Variants in TAF4B observed in about 807,000 individuals in gnomAD.
The protein encoded by TAF4B is TATA-box binding protein associated factor 4b, also known as transcription initiation factor TFIID subunit 4B.
Under a neutral mutation model 86.4 loss-of-function variants are expected in TAF4B, and 38 were observed. The observed-to-expected ratio is 0.44, with a 90% CI of 0.34 to 0.58. The LOEUF (loss-of-function observed/expected upper bound fraction) is 0.58. Ranked by LOEUF, TAF4B falls within the 20% of genes least tolerant of loss-of-function variation. The pLI is 0.02. For synonymous variants in TAF4B, 388 were observed against 391.2 expected, an observed-to-expected ratio of 0.99 and a Z score of 0.10; for missense variants, 988 against 1,027.6, an observed-to-expected ratio of 0.96 and a Z score of 0.53.
chr18:26,232,888 G>C (rs1352192884), intron 1 of TAF4B, among the ~76,000 whole-genome samples: 1 of 152,178 alleles, frequency 6.6e-6, no homozygotes, highest in Non-Finnish European at 1.5e-5. Flanking sequence ...TGGCTATTCT[G>C]GTTCCTGTAG....
In TAF4B at chr18:26,286,066, C is replaced by T. The variant is rs200557665; in HGVS notation, c.1157C>T (p.Thr386Ile). Residue 386 changes from threonine to isoleucine, a missense_variant, in exon 7 of 15, where the codon ACA becomes ATA. Coordinates refer to ENST00000269142, the MANE Select transcript of TAF4B (RefSeq NM_005640.3). ...SEKSIIVSGA[T>I]APRTVSVQTL... ...AAGTCAATTATTGTTTCTGGAGCAA[C>T]AGCACCCAGAACTGTGTCAGTGCAA... is the stretch of plus-strand genomic sequence containing the variant. 5 of 1,614,198 alleles carry T rather than the reference C, an allele frequency of 3.1e-6. No individual in the cohort carries two copies. The highest frequency in any genetic ancestry group is 3.3e-4 in the Middle Eastern group (2 of 6,062).
intron 14 of TAF4B, among the ~76,000 whole-genome samples, chr18:26,366,810 C>T (rs1023946034): frequency 4.6e-5 from 7 of 152,110 alleles, no homozygotes; most frequent in African/African-American, 7.2e-5. Context: ...TCAGATAGTT[C>T]AACCTAATAC....
intron 9 of TAF4B, 74 bp from the exon 10 acceptor site, chr18:26,315,155 T>TCACA (rs1484111730): frequency 2.4e-5 from 11 of 465,790 alleles, no homozygotes; most frequent in African/African-American, 1.2e-4. Context: ...TGTCTCTCTC[T>TCACA]CTCTCTCACA....
intron 9 of TAF4B, chr18:26,304,757 C>CT (rs201106108): frequency 1.6e-4 from 160 of 984,268 alleles, no homozygotes; most frequent in Admixed American, 2.5e-4. Context: ...TTACTGACAC[C>CT]TTTTTTTTAA....
At chr18:26,231,344 G>GTTTT (rs1260610897) in intron 1 of TAF4B, among the ~76,000 whole-genome samples, 1,485 of 60,832 alleles carry the variant, frequency 0.024, 188 homozygotes, top group Non-Finnish European at 0.032. Context: ...AGCTGCTTGG[G>GTTTT]GTTTTTTTTT....
chr18:26,289,770 G>C (rs1295109715), intron 7 of TAF4B, among the ~76,000 whole-genome samples: 1 of 152,200 alleles, frequency 6.6e-6, no homozygotes, highest in Non-Finnish European at 1.5e-5. Context: ...TTCTTTGAAA[G>C]AACATTAATG....
At chr18:26,285,222 G>GTTTTTGTTTTTGTTTTTTTTTTTT in intron 6 of TAF4B, among the ~76,000 whole-genome samples, 1,285 of 45,612 alleles carry the variant, frequency 0.028, 147 homozygotes, top group Non-Finnish European at 0.034. Flanking sequence ...TTTTTTTTTT[G>GTTTTTGTTTTTGTTTTTTTTTTTT]TTTTTTTTTT....
At chr18:26,243,377 G>A (rs1306561271) in intron 1 of TAF4B, among the ~76,000 whole-genome samples, 12 of 151,796 alleles carry the variant, frequency 7.9e-5, no homozygotes, top group Admixed American at 4.6e-4. Context: ...TGATCGAATC[G>A]GCTACTGAAG....
At position 26,244,936 on chromosome 18, in the gene TAF4B, C is replaced by T. The variant is rs9964313; in HGVS notation, c.343+17660C>T. Among the ~76,000 whole-genome samples, 730 of 152,284 alleles carry T rather than the reference C, an allele frequency of 4.8e-3. 5 individuals carry two copies. Among genetic ancestry groups the T allele is most frequent in the African/African-American group, 0.017 (695 of 41,574 alleles). The stretch of plus-strand genomic sequence containing the variant: ...TTCCGCTCACTGCTGCAGGGTCAAC[C>T]AACTTTTTGTCGGGACCCCAGAGCT... On this transcript the variant is annotated intron_variant, in intron 1 of 14. Coordinates refer to ENST00000269142, the MANE Select transcript of TAF4B (RefSeq NM_005640.3).
chr18:26,363,542 CTAAGAAAAAAATA>C (rs1160348827), intron 14 of TAF4B, among the ~76,000 whole-genome samples: 14 of 151,936 alleles, frequency 9.2e-5, no homozygotes, highest in Admixed American at 5.9e-4. Context: ...AAGACCCTGC[CTAAGAAAAAAATA>C]AAAGAAAAAA....
Position 26,227,116 on chromosome 18 carries a change from C to T in TAF4B, c.183C>T (p.Pro61=). 2 of 1,613,384 alleles carry T rather than the reference C, an allele frequency of 1.2e-6. No homozygotes were observed. Among genetic ancestry groups the T allele is most frequent in the Non-Finnish European group, 1.7e-6 (2 of 1,179,732 alleles). Reference sequence around the variant, plus strand: ...GCGTGGAGCCCACGGCGTCCCAGCCCCTGCGGTCCCCCGTGGGGACCCTGG... The same window carrying T: ...GCGTGGAGCCCACGGCGTCCCAGCCTCTGCGGTCCCCCGTGGGGACCCTGG... ...SVCVEPTASQ[P]LRSPVGTLVT... is the part of the protein sequence containing the mutation. Residue 61 remains proline, a synonymous_variant, in exon 1 of 15, where the codon CCC becomes CCT. Transcript: ENST00000269142.
At chr18:26,358,637 A>G (rs956716915) in intron 14 of TAF4B, among the ~76,000 whole-genome samples, 10 of 152,140 alleles carry the variant, frequency 6.6e-5, no homozygotes, top group African/African-American at 9.7e-5. Context: ...GTGAACCCGG[A>G]AGGCGGAGGT....
intron 9 of TAF4B, among the ~76,000 whole-genome samples, chr18:26,305,398 G>T (rs2056783694): frequency 6.6e-6 from 1 of 151,936 alleles, no homozygotes; most frequent in African/African-American, 2.4e-5. Flanking sequence ...TTAGTGATAT[G>T]TTTTTGTTTT....
At chr18:26,263,711 TTC>T (rs10670568) in intron 1 of TAF4B, among the ~76,000 whole-genome samples, 6,324 of 150,864 alleles carry the variant, frequency 0.042, 179 homozygotes, top group Non-Finnish European at 0.059. Flanking sequence ...CTTTCTCTCT[TTC>T]TCTCTCTCTC....
intron 9 of TAF4B, among the ~76,000 whole-genome samples, chr18:26,297,903 A>G (rs1217269022): frequency 2.6e-5 from 4 of 152,126 alleles, no homozygotes; most frequent in Non-Finnish European, 5.9e-5. Context: ...GTTTAACTCT[A>G]TGGGAAGCCA....
At chr18:26,277,228 CAT>C (rs1336356295) in intron 5 of TAF4B, among the ~76,000 whole-genome samples, 2 of 152,108 alleles carry the variant, frequency 1.3e-5, no homozygotes, top group African/African-American at 2.4e-5. Flanking sequence ...GGACCACTGA[CAT>C]GTGCCACCAC....
At position 26,372,264 on chromosome 18, in the gene TAF4B, A is replaced by G. The variant is rs80030505; in HGVS notation, c.2421+14470A>G. On this transcript the variant is annotated intron_variant, in intron 14 of 14. Transcript: ENST00000269142. ...AGGAATTGCAGAGCCACCATAAAGG[A>G]TTTGAAAAATGCAAGAGTGGTGATT... Among the ~76,000 whole-genome samples, 968 of 152,340 alleles carry G rather than the reference A, an allele frequency of 6.4e-3. 5 individuals carry two copies. The highest frequency in any genetic ancestry group is 0.01 in the Non-Finnish European group (685 of 68,032).
At chr18:26,239,961 A>T (rs1294145920) in intron 1 of TAF4B, among the ~76,000 whole-genome samples, 2 of 152,168 alleles carry the variant, frequency 1.3e-5, no homozygotes, top group Admixed American at 6.5e-5. Context: ...CTGTTTTGGT[A>T]CCAGTACCAT....
At chr18:26,232,061 G>A (rs1283561284) in intron 1 of TAF4B, among the ~76,000 whole-genome samples, 1 of 152,108 alleles carries the variant, frequency 6.6e-6, no homozygotes, top group East Asian at 1.9e-4. Flanking sequence ...CAGAGTGCTG[G>A]TTGGTGCATT....
Sources: allele counts gnomAD v4.1 joint callset (sites outside exome capture counted in the v4.1 genomes callset), GRCh38; gene constraint gnomAD v4.1.1; transcripts MANE v1.5; gene names NCBI Gene and HGNC (gene_info 2026-07-23, HGNC 2026-07-21).